GRIK4: variants seen among roughly 807,000 people sequenced by gnomAD.
The protein encoded by GRIK4 is glutamate receptor ionotropic, kainate 4.
In GRIK4, 40 loss-of-function variants were observed where a neutral mutation model predicts 104.9. That is an observed-to-expected ratio of 0.38 (90% CI 0.30 to 0.50). The LOEUF (loss-of-function observed/expected upper bound fraction) is 0.50. Ranked by LOEUF, GRIK4 falls within the 20% of genes least tolerant of loss-of-function variation. GRIK4 has a pLI of 0.93. For missense variants in GRIK4, 1,047 were observed against 1,308.1 expected (o/e 0.80, Z 3.08); for synonymous variants, 485 against 524.9 (o/e 0.92, Z 1.04).
chr11:120,966,364 AAATT>A (rs1406016882), intron 18 of GRIK4, among the ~76,000 whole-genome samples: 6 of 152,124 alleles, frequency 3.9e-5, no homozygotes, highest in African/African-American at 1.2e-4. Flanking sequence ...AGTGCCTAAG[AAATT>A]AATTAATTTA....
At chr11:120,912,253 G>C (rs1018159344) in intron 13 of GRIK4, among the ~76,000 whole-genome samples, 3 of 152,144 alleles carry the variant, frequency 2.0e-5, no homozygotes, top group Non-Finnish European at 2.9e-5. Flanking sequence ...GATGCATTTA[G>C]CTTTGGAAAT....
At chr11:120,968,506 G>A (rs1944421463) in intron 19 of GRIK4, among the ~76,000 whole-genome samples, 1 of 152,212 alleles carries the variant, frequency 6.6e-6, no homozygotes. Context: ...GATTGTCCCT[G>A]ATGAGACAGT....
At position 120,939,951 on chromosome 11, in the gene GRIK4, G is replaced by C. The variant is rs574054859; in HGVS notation, c.1477-396G>C. Among the ~76,000 whole-genome samples the C allele has an allele frequency of 1.3e-4, 20 of 151,578 alleles. No homozygotes were observed. Among genetic ancestry groups the C allele is most frequent in the Non-Finnish European group, 2.9e-4 (20 of 67,960 alleles). ...GCCGAGATGGCGCCACTGCACTCCA[G>C]CCTGGGCGACAGAGGGAGACCCTGT... On this transcript the variant is annotated intron_variant, in intron 13 of 20. Transcript: ENST00000527524. This position sits in a 1 kb window ranked among gnomAD's most constrained non-coding sequence, Gnocchi z 5.6.
At chr11:120,534,323 G>A (rs1227992236) in intron 1 of GRIK4, among the ~76,000 whole-genome samples, 1 of 152,166 alleles carries the variant, frequency 6.6e-6, no homozygotes, top group Non-Finnish European at 1.5e-5. Context: ...GGTTGGCTTT[G>A]AAGTGACTGA....
At chr11:120,912,281 T>G (rs976534590) in intron 13 of GRIK4, among the ~76,000 whole-genome samples, 2 of 152,124 alleles carry the variant, frequency 1.3e-5, no homozygotes, top group African/African-American at 4.8e-5. Context: ...TTGAGGTGCC[T>G]TTTGGATATC....
intron 3 of GRIK4, among the ~76,000 whole-genome samples, chr11:120,734,149 A>T (rs1951185405): frequency 1.3e-5 from 2 of 152,018 alleles, no homozygotes; most frequent in African/African-American, 4.8e-5. Flanking sequence ...CCTTCAGATG[A>T]TTTCTTATTG....
chr11:120,970,352 T>C (rs1276548726), intron 19 of GRIK4, among the ~76,000 whole-genome samples: 1 of 152,156 alleles, frequency 6.6e-6, no homozygotes, highest in African/African-American at 2.4e-5. Flanking sequence ...ACCCATCAGG[T>C]CCAGGCCGCA....
chr11:120,522,653 AC>A (rs1398845029), intron 1 of GRIK4, among the ~76,000 whole-genome samples: 2 of 152,094 alleles, frequency 1.3e-5, no homozygotes, highest in African/African-American at 2.4e-5. Context: ...CCTCCTTGGA[AC>A]CCCATTCCAG....
At chr11:120,650,619 C>T (rs903689320) in intron 1 of GRIK4, among the ~76,000 whole-genome samples, 4 of 152,316 alleles carry the variant, frequency 2.6e-5, no homozygotes, top group Admixed American at 2.6e-4. Context: ...GGCATCAAGA[C>T]ACCTGAATAT....
At chr11:120,647,949 G>T (rs1949565010) in intron 1 of GRIK4, among the ~76,000 whole-genome samples, 1 of 152,196 alleles carries the variant, frequency 6.6e-6, no homozygotes, top group South Asian at 2.1e-4. Flanking sequence ...CTGGCGCAGT[G>T]CCATAGAGCT....
chr11:120,754,948 A>G (rs977275102), intron 3 of GRIK4, among the ~76,000 whole-genome samples: 12 of 152,152 alleles, frequency 7.9e-5, no homozygotes, highest in African/African-American at 9.7e-5. Flanking sequence ...TATGATTTGC[A>G]AATATTTTCT....
At position 120,524,322 on chromosome 11, in the gene GRIK4, G is replaced by C. The variant is rs1215729494; in HGVS notation, c.-159+12435G>C. 6.6e-6 allele frequency among the ~76,000 whole-genome samples: 1 copy of C among 152,198 alleles called. No homozygotes were observed. The highest frequency in any genetic ancestry group is 1.5e-5 in the Non-Finnish European group (1 of 68,036). ...CTTTGGTGAGCCGCTTGTCTGCAGA[G>C]GCCCTGGACTCTGGAGCCCTAGACT... is the stretch of plus-strand genomic sequence containing the variant. On this transcript the variant is annotated intron_variant, in intron 1 of 20. Transcript: ENST00000527524. This position sits in a 1 kb window ranked among gnomAD's most constrained non-coding sequence, Gnocchi z 4.5.
At chr11:120,615,759 A>G (rs1949104166) in intron 1 of GRIK4, among the ~76,000 whole-genome samples, 1 of 152,080 alleles carries the variant, frequency 6.6e-6, no homozygotes, top group Admixed American at 6.5e-5. Context: ...GATCCTCTTT[A>G]ACTGGGTGCT....
chr11:120,981,992 T>C (rs1481711829), intron 19 of GRIK4, 114 bp from the exon 20 acceptor site: 3 of 746,448 alleles, frequency 4.0e-6, no homozygotes, highest in East Asian at 2.5e-5. Flanking sequence ...GGGTGTCTAC[T>C]TGAGCATCTA....
intron 3 of GRIK4, among the ~76,000 whole-genome samples, chr11:120,773,789 C>A (rs1180972265): frequency 1.3e-5 from 2 of 152,180 alleles, no homozygotes; most frequent in Admixed American, 6.5e-5. Flanking sequence ...TAACCACAGA[C>A]TACTCTCAAA....
At chr11:120,790,627 GT>G (rs1459126897) in intron 3 of GRIK4, among the ~76,000 whole-genome samples, 1 of 152,240 alleles carries the variant, frequency 6.6e-6, no homozygotes, top group Non-Finnish European at 1.5e-5. Flanking sequence ...GCAAAGACAT[GT>G]TGGGGCCAGA....
chr11:120,542,400 A>AT (rs1247187928), intron 1 of GRIK4, among the ~76,000 whole-genome samples: 22 of 152,362 alleles, frequency 1.4e-4, no homozygotes, highest in South Asian at 8.3e-4. Context: ...CTTGCCAGTG[A>AT]TTTTTTGGGT....
At chr11:120,653,199 T>C (rs1203290003) in intron 1 of GRIK4, among the ~76,000 whole-genome samples, 2 of 152,348 alleles carry the variant, frequency 1.3e-5, no homozygotes, top group East Asian at 3.9e-4. Flanking sequence ...CCTGCCCTCA[T>C]GGGGCTTGTA....
chr11:120,734,289 G>T (rs1053593523), intron 3 of GRIK4, among the ~76,000 whole-genome samples: 2 of 152,144 alleles, frequency 1.3e-5, no homozygotes, highest in African/African-American at 2.4e-5. Context: ...CTTTATGCTT[G>T]AAGGATATTT....
Sources: allele counts gnomAD v4.1 joint callset (sites outside exome capture counted in the v4.1 genomes callset), GRCh38; gene constraint gnomAD v4.1.1; non-coding constraint Gnocchi (gnomAD v3.1); transcripts MANE v1.5; gene names NCBI Gene and HGNC (gene_info 2026-07-23, HGNC 2026-07-21).